The following GRIK2 variants were observed in gnomAD, a reference collection of about 807,000 sequenced individuals.
The protein encoded by GRIK2 is glutamate ionotropic receptor kainate type subunit 2.
GRIK2 carries 32 observed loss-of-function variants against 100.3 expected under a neutral mutation model. The ratio of observed to expected loss-of-function variants is 0.32; its 90% CI spans 0.24 to 0.43. The LOEUF (loss-of-function observed/expected upper bound fraction) is 0.43. Among genes scored for constraint, GRIK2 ranks in the 20% least tolerant of loss-of-function variants. GRIK2 has a pLI of 1.00. For synonymous variants in GRIK2, 417 were observed against 389.4 expected, an observed-to-expected ratio of 1.07 and a Z score of -0.83; for missense variants, 843 against 1,114.9, an observed-to-expected ratio of 0.76 and a Z score of 3.47.
At chr6:101,537,394 A>G (rs1291065669) in intron 2 of GRIK2, among the ~76,000 whole-genome samples, 1 of 151,304 alleles carries the variant, frequency 6.6e-6, no homozygotes, top group East Asian at 1.9e-4. Flanking sequence ...AAGTTGTTTT[A>G]TGTACCCAAA....
intron 4 of GRIK2, among the ~76,000 whole-genome samples, chr6:101,660,377 C>CT (rs35949695): frequency 6.6e-6 from 1 of 152,028 alleles, no homozygotes; most frequent in Non-Finnish European, 1.5e-5. Context: ...TTCCTCTAAC[C>CT]TTTTTTTAAG....
At chr6:101,429,435 T>C (rs1175522203) in intron 2 of GRIK2, among the ~76,000 whole-genome samples, 1 of 152,208 alleles carries the variant, frequency 6.6e-6, no homozygotes, top group Admixed American at 6.5e-5. Context: ...AATTCACAGC[T>C]GTGAGTCAGA....
intron 14 of GRIK2, among the ~76,000 whole-genome samples, chr6:102,012,095 T>C (rs1367045921): frequency 6.6e-6 from 1 of 152,218 alleles, no homozygotes; most frequent in Non-Finnish European, 1.5e-5. Flanking sequence ...TTAAAGTTTT[T>C]CTAGCACTAT....
intron 14 of GRIK2, among the ~76,000 whole-genome samples, chr6:102,034,455 C>T (rs1286852530): frequency 6.6e-6 from 1 of 151,208 alleles, no homozygotes; most frequent in Non-Finnish European, 1.5e-5. Flanking sequence ...GTGTTTGTAA[C>T]TTCAGGATTA....
intron 2 of GRIK2, among the ~76,000 whole-genome samples, chr6:101,565,935 GTA>G (rs60158757): frequency 0.22 from 23,701 of 109,282 alleles, 2,447 homozygotes; most frequent in Middle Eastern, 0.28. Context: ...ATATATATGT[GTA>G]TATATATATA....
rs564306984 is a variant in GRIK2, at chr6:101,558,989, C to T, written c.116-62960C>T. Among the ~76,000 whole-genome samples the T allele has an allele frequency of 3.9e-5, 6 of 152,196 alleles. No homozygotes were observed. In the South Asian group the frequency reaches 6.2e-4, roughly 16 times the overall value. On this transcript the variant is annotated intron_variant, in intron 2 of 16. Transcript: ENST00000369134. ...TCTTTATCTCGTTCATTATCTCCAC[C>T]TTCCTTTTGGTTACCAAGAGGAGGT...
chr6:101,672,580 T>C (rs1770523616), intron 4 of GRIK2, among the ~76,000 whole-genome samples: 3 of 152,280 alleles, frequency 2.0e-5, no homozygotes, highest in East Asian at 3.9e-4. Context: ...TGTGTTTTTT[T>C]TTCCAAATTT....
intron 10 of GRIK2, among the ~76,000 whole-genome samples, chr6:101,834,859 G>A (rs1305913605): frequency 2.6e-5 from 4 of 151,946 alleles, no homozygotes; most frequent in Non-Finnish European, 2.9e-5. Context: ...AAAAAAAATA[G>A]CCAGGAATTT....
At chr6:102,011,252 G>A (rs1795515794) in intron 14 of GRIK2, among the ~76,000 whole-genome samples, 1 of 152,072 alleles carries the variant, frequency 6.6e-6, no homozygotes, top group African/African-American at 2.4e-5. Flanking sequence ...TAGGTATGTG[G>A]TGGAATCTTA....
At chr6:101,889,230 TTAC>T (rs964242366) in intron 11 of GRIK2, among the ~76,000 whole-genome samples, 1 of 152,052 alleles carries the variant, frequency 6.6e-6, no homozygotes, top group African/African-American at 2.4e-5. Flanking sequence ...GTAGTTATTA[TTAC>T]TATTATAATT....
rs546599010 is a variant in GRIK2 at position 101,718,642 on chromosome 6, G to C, written c.951+32289G>C. On this transcript the variant is annotated intron_variant, in intron 7 of 16. Coordinates refer to ENST00000369134, the MANE Select transcript of GRIK2 (RefSeq NM_021956.5). Reference sequence around the variant, plus strand: ...AGTGTATTGTGAAAAATCTTCGAGAGATCATGCTGCCAATATGTCAAGGAT... The same window carrying C: ...AGTGTATTGTGAAAAATCTTCGAGACATCATGCTGCCAATATGTCAAGGAT... 1.4e-4 allele frequency among the ~76,000 whole-genome samples: 21 copies of C among 152,048 alleles called. No individual in the cohort carries two copies. In the South Asian group the frequency reaches 4.4e-3, roughly 32 times the overall value.
At chr6:101,664,873 GC>G (rs1360480288) in intron 4 of GRIK2, among the ~76,000 whole-genome samples, 2 of 152,154 alleles carry the variant, frequency 1.3e-5, no homozygotes, top group African/African-American at 4.8e-5. Flanking sequence ...CAAGGGAACA[GC>G]CCTTTTATAA....
rs76592174 is a variant in GRIK2 at position 101,686,673 on chromosome 6, G to A, written c.951+320G>A. On this transcript the variant is annotated intron_variant, in intron 7 of 16. Transcript: ENST00000369134. Reference sequence around the variant, plus strand: ...ACTGAAAGAAGACATACATCTGGTAGTTATCCTTCTGATCTTACCTATCAA... The same window carrying A: ...ACTGAAAGAAGACATACATCTGGTAATTATCCTTCTGATCTTACCTATCAA... 1.3e-3 allele frequency among the ~76,000 whole-genome samples: 195 copies of A among 152,190 alleles called. 1 individual carries two copies. The highest frequency in any genetic ancestry group is 2.2e-3 in the Admixed American group (34 of 15,254).
rs1180737531 is a variant in GRIK2 at position 102,044,511 on chromosome 6, AGAGAAAAAT to A, written c.2311+8956_2311+8964del. ...AAAGAATTATTACATGCTGGCAGCA[AGAGAAAAAT>A]GAGAAAAATGCAAAAGCAGAAACTC... On this transcript the variant is annotated intron_variant, in intron 15 of 16. Coordinates refer to ENST00000369134, the MANE Select transcript of GRIK2 (RefSeq NM_021956.5). 3.9e-5 allele frequency among the ~76,000 whole-genome samples: 6 copies of A among 152,048 alleles called. 1 individual carries two copies. Among genetic ancestry groups the A allele is most frequent in the East Asian group, 1.9e-4 (1 of 5,160 alleles).
chr6:101,716,800 G>T (rs1302948498), intron 7 of GRIK2, among the ~76,000 whole-genome samples: 1 of 151,640 alleles, frequency 6.6e-6, no homozygotes. Flanking sequence ...ACAACAAAAG[G>T]TTTAAAGTAA....
chr6:101,512,263 T>C (rs1010110343), intron 2 of GRIK2, among the ~76,000 whole-genome samples: 2 of 152,016 alleles, frequency 1.3e-5, no homozygotes, highest in Admixed American at 6.6e-5. Flanking sequence ...GGTATATGTA[T>C]ATACAGTATG....
rs1417265380 is a variant in GRIK2 at position 102,006,383 on chromosome 6, TATATATA to T, written c.2086-28957_2086-28951del. Among the ~76,000 whole-genome samples, 170 of 116,094 alleles carry T rather than the reference TATATATA, an allele frequency of 1.5e-3. 1 individual carries two copies. Among genetic ancestry groups the T allele is most frequent in the African/African-American group, 7.7e-3 (161 of 20,962 alleles). 76.2% of individuals were successfully genotyped at this position (116,094 alleles called of 152,430 possible). ...GATAAACCTTTTATATATATATATA[TATATATA>T]TTTTTTTTTTTTTTGAGACATACAG... On this transcript the variant is annotated intron_variant, in intron 14 of 16. Coordinates refer to ENST00000369134, the MANE Select transcript of GRIK2 (RefSeq NM_021956.5).
At chr6:101,473,417 G>T (rs2128257251) in intron 2 of GRIK2, among the ~76,000 whole-genome samples, 1 of 151,626 alleles carries the variant, frequency 6.6e-6, no homozygotes, top group East Asian at 1.9e-4. Flanking sequence ...TAAACAATTA[G>T]AGTGTCATTC....
At chr6:101,430,505 A>T (rs985506238) in intron 2 of GRIK2, 3 of 189,244 alleles carry the variant, frequency 1.6e-5, no homozygotes, top group Non-Finnish European at 3.4e-5. Context: ...GGGGGTGATG[A>T]TCTTGATCTT....
Sources: allele counts gnomAD v4.1 joint callset (sites outside exome capture counted in the v4.1 genomes callset), GRCh38; gene constraint gnomAD v4.1.1; transcripts MANE v1.5; gene names NCBI Gene and HGNC (gene_info 2026-07-23, HGNC 2026-07-21).